Variants in ADAMTS6 observed in about 807,000 individuals in gnomAD.
ADAMTS6 encodes A disintegrin and metalloproteinase with thrombospondin motifs 6.
A neutral mutation model predicts 144.3 loss-of-function variants in ADAMTS6; 23 were observed. The observed-to-expected ratio is 0.16, with a 90% CI of 0.11 to 0.23. The LOEUF (loss-of-function observed/expected upper bound fraction) is 0.23. Ranked by LOEUF, ADAMTS6 falls within the 10% of genes least tolerant of loss-of-function variation. ADAMTS6 has a pLI of 1.00. For synonymous variants in ADAMTS6, 444 were observed against 457.5 expected (o/e 0.97, Z 0.38); for missense variants, 999 against 1,379.6 (o/e 0.72, Z 4.37).
At chr5:65,258,104 C>T (rs1760846782) in intron 14 of ADAMTS6, among the ~76,000 whole-genome samples, 1 of 151,980 alleles carries the variant, frequency 6.6e-6, no homozygotes, top group South Asian at 2.1e-4. Flanking sequence ...GACAAATCAA[C>T]TATATAGGTG....
At chr5:65,196,828 T>C (rs778493302) in intron 21 of ADAMTS6, among the ~76,000 whole-genome samples, 194 bp downstream of exon 21, 1 of 152,188 alleles carries the variant, frequency 6.6e-6, no homozygotes, top group South Asian at 2.1e-4. Flanking sequence ...AAGAAGTTAA[T>C]GACTGAAATC....
intron 9 of ADAMTS6, among the ~76,000 whole-genome samples, chr5:65,320,499 T>C (rs1304984402): frequency 6.6e-6 from 1 of 151,612 alleles, no homozygotes; most frequent in Non-Finnish European, 1.5e-5. Flanking sequence ...AAAGAAAAAA[T>C]AACATTAAAT....
At chr5:65,440,395 G>T (rs1391523549) in intron 7 of ADAMTS6, among the ~76,000 whole-genome samples, 1 of 152,118 alleles carries the variant, frequency 6.6e-6, no homozygotes, top group Non-Finnish European at 1.5e-5. Context: ...CCCTAAGATT[G>T]CCCCCAGCTT....
At chr5:65,223,977 T>A (rs1266473841) in intron 18 of ADAMTS6, among the ~76,000 whole-genome samples, 1 of 152,002 alleles carries the variant, frequency 6.6e-6, no homozygotes, top group Non-Finnish European at 1.5e-5. Context: ...TTTTTCTGTA[T>A]TTTTATTAGA....
intron 8 of ADAMTS6, among the ~76,000 whole-genome samples, chr5:65,330,569 T>A (rs1264934959): frequency 6.6e-6 from 1 of 152,146 alleles, no homozygotes; most frequent in Non-Finnish European, 1.5e-5. Context: ...GTGCTAGGTA[T>A]AATTTCCCAG....
At chr5:65,426,545 A>C (rs1435250014) in intron 7 of ADAMTS6, among the ~76,000 whole-genome samples, 3 of 152,108 alleles carry the variant, frequency 2.0e-5, no homozygotes, top group Non-Finnish European at 4.4e-5. Context: ...AAAAATTGTC[A>C]AAAATGGATA....
At chr5:65,277,154 G>A (rs1341923004) in intron 11 of ADAMTS6, among the ~76,000 whole-genome samples, 2 of 152,158 alleles carry the variant, frequency 1.3e-5, no homozygotes, top group Admixed American at 1.3e-4. Context: ...AATCTCTAAT[G>A]TTATGGGGTC....
chr5:65,398,729 G>T (rs1438488493), intron 7 of ADAMTS6, among the ~76,000 whole-genome samples: 1 of 149,374 alleles, frequency 6.7e-6, no homozygotes, highest in African/African-American at 2.5e-5. Flanking sequence ...GAAAGAGAGA[G>T]AGAGAGAAAG....
In ADAMTS6 at chr5:65,269,300, C is replaced by G. The variant is rs76332410; in HGVS notation, c.1620+4040G>C. Among the ~76,000 whole-genome samples, 366 of 152,238 alleles carry G rather than the reference C, an allele frequency of 2.4e-3. 2 individuals carry two copies. Among genetic ancestry groups the G allele is most frequent in the African/African-American group, 8.1e-3 (338 of 41,544 alleles). On this transcript the variant is annotated intron_variant, in intron 12 of 24. Transcript: ENST00000381055. ...CGAAATATATAGAAATTGGTTGTCTCCCATTTTAGAGATTCATTATTTTAC... is the reference window on the plus strand; with the variant it reads ...CGAAATATATAGAAATTGGTTGTCTGCCATTTTAGAGATTCATTATTTTAC...
chr5:65,473,422 C>G (rs1441555980), intron 2 of ADAMTS6, among the ~76,000 whole-genome samples, 155 bp downstream of exon 2: 1 of 152,126 alleles, frequency 6.6e-6, no homozygotes, highest in Non-Finnish European at 1.5e-5. Context: ...TAGCCCTTAA[C>G]ATTTATGAAA....
At chr5:65,325,045 G>A (rs1342241105) in intron 9 of ADAMTS6, among the ~76,000 whole-genome samples, 1 of 152,172 alleles carries the variant, frequency 6.6e-6, no homozygotes, top group Non-Finnish European at 1.5e-5. Context: ...ACACAAAAGA[G>A]TACCCACTGA....
At chr5:65,200,326 A>G (rs1408537413) in intron 20 of ADAMTS6, among the ~76,000 whole-genome samples, 1 of 152,204 alleles carries the variant, frequency 6.6e-6, no homozygotes, top group Non-Finnish European at 1.5e-5. Context: ...TAGAAAGTAG[A>G]AAATACAGAT....
In ADAMTS6 at chr5:65,452,232, T is replaced by C. The variant is rs1254159441; in HGVS notation, c.844-16A>G. ...GTTTGGCAACCTGACCTCCAGAAAA[T>C]AAGAAAAGACACAAAGTCAGACAAA... On this transcript the variant is annotated splice_polypyrimidine_tract_variant and intron_variant, in intron 5 of 24. Coordinates refer to ENST00000381055, the MANE Select transcript of ADAMTS6 (RefSeq NM_197941.4). 3.1e-6 allele frequency: 5 copies of C among 1,608,278 alleles called. No homozygotes were observed. The African/African-American group carries it at 4.0e-5, about 13-fold the overall frequency.
chr5:65,386,059 C>A (rs1307276604), intron 7 of ADAMTS6, among the ~76,000 whole-genome samples: 2 of 152,128 alleles, frequency 1.3e-5, no homozygotes, highest in Admixed American at 1.3e-4. Flanking sequence ...ACAATATGGG[C>A]TATGTAATTT....
At chr5:65,173,760 T>G (rs1383993105) in intron 22 of ADAMTS6, among the ~76,000 whole-genome samples, 1 of 152,072 alleles carries the variant, frequency 6.6e-6, no homozygotes, top group Non-Finnish European at 1.5e-5. Context: ...CACGGCAGCT[T>G]ACGCCTGTAA....
chr5:65,278,949 T>C (rs1762774277), intron 11 of ADAMTS6, among the ~76,000 whole-genome samples: 1 of 150,792 alleles, frequency 6.6e-6, no homozygotes, highest in South Asian at 2.1e-4. Flanking sequence ...CAGTCTTTTT[T>C]TTTTTTTTTT....
chr5:65,249,049 A>G lies in ADAMTS6; in HGVS notation c.1831-6843T>C, dbSNP rs193136320. On this transcript the variant is annotated intron_variant, in intron 14 of 24. Transcript: ENST00000381055. Reference sequence around the variant, plus strand: ...TGTGCGCGCATGTCTGTCTGTGTGTATGTTACAGGTAGTTAGATAGGCATG... The same window carrying G: ...TGTGCGCGCATGTCTGTCTGTGTGTGTGTTACAGGTAGTTAGATAGGCATG... Among the ~76,000 whole-genome samples, 216 of 151,788 alleles carry G rather than the reference A, an allele frequency of 1.4e-3. 5 individuals are homozygous for G. The East Asian group carries it at 0.028, about 20-fold the overall frequency.
intron 18 of ADAMTS6, among the ~76,000 whole-genome samples, chr5:65,218,654 G>A (rs1757095470): frequency 6.6e-6 from 1 of 152,138 alleles, no homozygotes; most frequent in Non-Finnish European, 1.5e-5. Context: ...GATGGAAACT[G>A]AGATCTATAC....
chr5:65,475,833 A>T lies in ADAMTS6; in HGVS notation c.-279-1881T>A, dbSNP rs551281074. On this transcript the variant is annotated intron_variant, in intron 1 of 24. Transcript: ENST00000381055. ...GGTAGTTTAAGATCAGACCAAAAAT[A>T]AAAAACTTTAATACATATTGCTTCT... 2.0e-5 allele frequency among the ~76,000 whole-genome samples: 3 copies of T among 152,376 alleles called. No homozygotes were observed. The South Asian group carries it at 6.2e-4, about 32-fold the overall frequency.
Sources: gnomAD v4.1 joint callset for allele counts (sites outside exome capture counted in the v4.1 genomes callset) on GRCh38, gnomAD v4.1.1 for gene constraint, MANE v1.5 for transcripts, NCBI Gene and HGNC (gene_info 2026-07-23, HGNC 2026-07-21) for gene names.